The following APOBR variants were observed in gnomAD, a reference collection of about 807,000 sequenced individuals.
APOBR encodes apolipoprotein B receptor.
APOBR carries 57 observed loss-of-function variants against 88.5 expected under a neutral mutation model. The observed-to-expected ratio is 0.64, with a 90% CI of 0.52 to 0.80. The LOEUF is 0.80. Among genes scored for constraint, APOBR ranks in the 30% least tolerant of loss-of-function variants. The pLI is 0.00. For missense variants in APOBR, 1,443 were observed against 1,401.6 expected, an observed-to-expected ratio of 1.03 and a Z score of -0.47; for synonymous variants, 588 against 572.7, an observed-to-expected ratio of 1.03 and a Z score of -0.38.
rs2046411775 is a variant in APOBR, at chr16:28,498,594, T to C, written c.*89T>C. ...CTGAGCCCTGCTCCCTCTGCCACTG[T>C]GGACACATCCTCTCCACCCTCTGGG... On this transcript the variant is annotated 3_prime_UTR_variant, in exon 4 of 4. Transcript: ENST00000564831. 7.1e-7 allele frequency: 1 copy of C among 1,414,264 alleles called. No homozygotes were observed. The highest frequency in any genetic ancestry group is 2.1e-5 in the Admixed American group (1 of 47,042). The allele number at this position is 1,414,264 out of a possible 1,614,324, so 87.6% of individuals were successfully genotyped here. A position where few individuals can be genotyped will look rare whatever the true frequency, so the allele number is the denominator to read the frequency against.
rs2046400833 is a variant in APOBR, at chr16:28,497,279, T to C, written c.2238T>C (p.Ala746=). 1.9e-6 allele frequency: 3 copies of C among 1,591,970 alleles called. No individual in the cohort carries two copies. In the South Asian group the frequency reaches 3.4e-5, roughly 18 times the overall value. ...SRRGWRLQAV[A]VGLPDREDAQ... is the part of the protein sequence containing the mutation. ...GAGGCTGGAGGCTGCAAGCGGTGGC[T>C]GTGGGCCTCCCGGACCGTGAGGATG... Residue 746 remains alanine, a synonymous_variant, in exon 2 of 4, where the codon GCT becomes GCC. Transcript: ENST00000564831.
rs762308039 is a variant in APOBR, at chr16:28,498,487, C to A, written c.3276C>A (p.Gly1092=). ...GMMQELQARL[G]RPKPQ is the part of the protein sequence containing the mutation. ...TGCAGGAGCTGCAAGCCCGTCTGGGCCGGCCTAAGCCCCAGTGACTGAGAC... is the reference window on the plus strand; with the variant it reads ...TGCAGGAGCTGCAAGCCCGTCTGGGACGGCCTAAGCCCCAGTGACTGAGAC... The change falls in exon 4 of 4, where the codon GGC becomes GGA. Residue 1092 remains glycine, a synonymous_variant. Coordinates refer to ENST00000564831, the MANE Select transcript of APOBR (RefSeq NM_018690.4). The A allele has an allele frequency of 1.6e-5, 26 of 1,599,226 alleles. No individual in the cohort carries two copies. The highest frequency in any genetic ancestry group is 2.2e-5 in the Non-Finnish European group (26 of 1,173,464).
chr16:28,495,748 CTG>C lies in APOBR; in HGVS notation c.708_709del (p.Glu237GlyfsTer21). 1.3e-6 allele frequency: 2 copies of C among 1,542,672 alleles called. No individual in the cohort carries two copies. Among genetic ancestry groups the C allele is most frequent in the South Asian group, 1.2e-5 (1 of 82,426 alleles). ...GTCAGGGAGGCAGATGCAGGGGAAA[CTG>C]AGGAGCCTGGGGCCGAAGGGGCTGG... On this transcript the variant is annotated frameshift_variant, in exon 2 of 4. Transcript: ENST00000564831. LOFTEE classifies it high-confidence loss of function.
At position 28,497,626 on chromosome 16, in the gene APOBR, C is replaced by T; in HGVS notation, c.2585C>T (p.Thr862Ile). ...SCGLDPAGSQTARAEGMGAMV... is the reference protein window; with the variant it reads ...SCGLDPAGSQIARAEGMGAMV... The stretch of plus-strand genomic sequence containing the variant: ...GGGCTGGATCCCGCGGGCTCCCAGA[C>T]AGCGAGGGCAGAGGGGATGGGAGCC... Residue 862 changes from threonine (T) to isoleucine (I), a missense_variant, in exon 2 of 4, where the codon ACA (threonine) becomes ATA (isoleucine). By Grantham distance (89) the Thr-to-Ile change is moderately conservative (BLOSUM62 -1). Transcript: ENST00000564831. 6 of 1,604,968 alleles carry T rather than the reference C, an allele frequency of 3.7e-6. No homozygotes were observed. Among genetic ancestry groups the T allele is most frequent in the Non-Finnish European group, 5.1e-6 (6 of 1,175,902 alleles).
At position 28,496,138 on chromosome 16, in the gene APOBR, C is replaced by T. The variant is rs2046391017; in HGVS notation, c.1097C>T (p.Ala366Val). Reference sequence around the variant, plus strand: ...TCAGGAGGGGAGGAGGCCGGGACAGCCTCAGGAGGGGACGAGGCCTGGACA... The same window carrying T: ...TCAGGAGGGGAGGAGGCCGGGACAGTCTCAGGAGGGGACGAGGCCTGGACA... ...TASGGEEAGT[A>V]SGGDEAWTTS... Residue 366 changes from alanine (A) to valine (V), a missense_variant, in exon 2 of 4, where the codon GCC (alanine) becomes GTC (valine). By Grantham distance (64) the Ala-to-Val change is moderately conservative. Coordinates refer to ENST00000564831, the MANE Select transcript of APOBR (RefSeq NM_018690.4). 1.3e-6 allele frequency: 2 copies of T among 1,534,388 alleles called. No individual in the cohort carries two copies. The highest frequency in any genetic ancestry group is 1.7e-6 in the Non-Finnish European group (2 of 1,143,232).
In APOBR at chr16:28,498,604, C is replaced by T; in HGVS notation, c.*99C>T. The T allele has an allele frequency of 3.8e-6, 5 of 1,326,030 alleles. No homozygotes were observed. Among genetic ancestry groups the T allele is most frequent in the Non-Finnish European group, 5.1e-6 (5 of 971,772 alleles). The allele number at this position is 1,326,030 out of a possible 1,614,324, so 82.1% of individuals were successfully genotyped here. On this transcript the variant is annotated 3_prime_UTR_variant, in exon 4 of 4. Transcript: ENST00000564831. ...CTCCCTCTGCCACTGTGGACACATC[C>T]TCTCCACCCTCTGGGCCTCAGTGTC...
rs749672309 is a variant in APOBR, at chr16:28,496,214, T to C, written c.1173T>C (p.Tyr391=). 2.5e-6 allele frequency: 4 copies of C among 1,591,866 alleles called. No homozygotes were observed. Among genetic ancestry groups the C allele is most frequent in the Non-Finnish European group, 3.4e-6 (4 of 1,170,704 alleles). The part of the protein sequence containing the change: ...ADLLGVRQTE[Y]GAVPGERLLE... ...TGCTGGGAGTCAGACAGACAGAATA[T>C]GGAGCAGTCCCAGGAGAAAGGCTCC... Residue 391 remains tyrosine (Y), a synonymous_variant, in exon 2 of 4, where the codon TAT becomes TAC. Coordinates refer to ENST00000564831, the MANE Select transcript of APOBR (RefSeq NM_018690.4).
Position 28,497,630 on chromosome 16 carries a change from G to A in APOBR, c.2589G>A (p.Ala863=), listed in dbSNP as rs770842840. ...CGLDPAGSQT[A]RAEGMGAMVE... ...TGGATCCCGCGGGCTCCCAGACAGC[G>A]AGGGCAGAGGGGATGGGAGCCATGG... Residue 863 remains alanine, a synonymous_variant, in exon 2 of 4, where the codon GCG becomes GCA. Transcript: ENST00000564831. The A allele has an allele frequency of 1.6e-4, 256 of 1,605,188 alleles. No individual in the cohort carries two copies. The highest frequency in any genetic ancestry group is 2.0e-4 in the Non-Finnish European group (230 of 1,176,026).
At position 28,496,919 on chromosome 16, in the gene APOBR, C is replaced by T; in HGVS notation, c.1878C>T (p.Asn626=). The change falls in exon 2 of 4, where the codon AAC becomes AAT. Residue 626 remains asparagine, a synonymous_variant. Transcript: ENST00000564831. ...AGGCCTTCCCAGGAGCCTGGGAAAA[C>T]CGCACGAGAAAGGACATGGAGAGAG... ...ASEAFPGAWE[N]RTRKDMERGN... is the part of the protein sequence containing the mutation. 1 of 1,559,480 alleles carries T rather than the reference C, an allele frequency of 6.4e-7. No individual in the cohort carries two copies. Among genetic ancestry groups the T allele is most frequent in the Non-Finnish European group, 8.7e-7 (1 of 1,152,454 alleles).
intron 2 of APOBR, 37 bp from the exon 3 acceptor site, chr16:28,498,044 G>A: frequency 1.9e-6 from 3 of 1,546,902 alleles, no homozygotes; most frequent in Non-Finnish European, 2.6e-6. Flanking sequence ...GAATCCCGAA[G>A]CCGGCCCCAT....
Position 28,498,660 on chromosome 16 carries a change from C to G in APOBR, c.*155C>G. 1 of 881,626 alleles carries G rather than the reference C, an allele frequency of 1.1e-6. No individual in the cohort carries two copies. The highest frequency in any genetic ancestry group is 1.7e-6 in the Non-Finnish European group (1 of 589,438). 54.6% of individuals were successfully genotyped at this position (881,626 alleles called of 1,614,324 possible). ...GTATCATTCATGGAGCAGGCAAAAC[C>G]AGACGTCTGGGAAGACCGTGAACTT... On this transcript the variant is annotated 3_prime_UTR_variant, in exon 4 of 4. Coordinates refer to ENST00000564831, the MANE Select transcript of APOBR (RefSeq NM_018690.4).
At position 28,495,227 on chromosome 16, in the gene APOBR, A is replaced by T; in HGVS notation, c.186A>T (p.Glu62Asp). The T allele has an allele frequency of 1.3e-6, 2 of 1,549,720 alleles. No homozygotes were observed. The highest frequency in any genetic ancestry group is 8.7e-7 in the Non-Finnish European group (1 of 1,151,780). Reference protein sequence around the residue: ...VGKTGKIVEEEAQEDLEGLRG... With the variant: ...VGKTGKIVEEDAQEDLEGLRG... ...AGACAGGGAAGATTGTAGAGGAGGA[A>T]GCCCAGGAGGACCTGGAGGGCCTTA... The change falls in exon 2 of 4, where the codon GAA (glutamate) becomes GAT (aspartate). Residue 62 changes from glutamate to aspartate, a missense_variant. Physicochemically the swap from Glu to Asp is conservative, Grantham distance 45. Transcript: ENST00000564831.
At position 28,497,499 on chromosome 16, in the gene APOBR, A is replaced by T. The variant is rs1488584718; in HGVS notation, c.2458A>T (p.Thr820Ser). 8 of 1,613,212 alleles carry T rather than the reference A, an allele frequency of 5.0e-6. No homozygotes were observed. In the Admixed American group the frequency reaches 6.7e-5, roughly 13 times the overall value. ...GLEGSAEEEV[T>S]GRGSQVEAFE... is the part of the protein sequence containing the mutation. ...GGAGGGCTCAGCAGAGGAAGAGGTG[A>T]CTGGCAGAGGCAGCCAAGTAGAGGC... Residue 820 changes from threonine to serine, a missense_variant, in exon 2 of 4, where the codon ACT becomes TCT. By Grantham distance (58) the Thr-to-Ser change is moderately conservative. Transcript: ENST00000564831.
In APOBR at chr16:28,495,666, A is replaced by G; in HGVS notation, c.625A>G (p.Lys209Glu). 6.5e-7 allele frequency: 1 copy of G among 1,543,538 alleles called. No homozygotes were observed. Among genetic ancestry groups the G allele is most frequent in the Non-Finnish European group, 8.8e-7 (1 of 1,142,280 alleles). The change falls in exon 2 of 4, where the codon AAG becomes GAG. Residue 209 changes from lysine to glutamate, a missense_variant. Transcript: ENST00000564831. ...GACCTGGCATGGGGAGACGGAGGGG[A>G]AGGCTGGTGCTGTTGGGCCAAAGGC... ...EWTWHGETEG[K>E]AGAVGPKAAG...
Position 28,498,535 on chromosome 16 carries a change from C to G in APOBR, c.*30C>G. On this transcript the variant is annotated 3_prime_UTR_variant, in exon 4 of 4. Coordinates refer to ENST00000564831, the MANE Select transcript of APOBR (RefSeq NM_018690.4). ...GACCCGGTGCTCTGGGAGCCAGGCCCTGAGTGGGTGCCAGAAGGCTTGCTC... is the reference window on the plus strand; with the variant it reads ...GACCCGGTGCTCTGGGAGCCAGGCCGTGAGTGGGTGCCAGAAGGCTTGCTC... 6.4e-7 allele frequency: 1 copy of G among 1,564,502 alleles called. No individual in the cohort carries two copies. Among genetic ancestry groups the G allele is most frequent in the Non-Finnish European group, 8.7e-7 (1 of 1,155,802 alleles).
At position 28,497,997 on chromosome 16, in the gene APOBR, G is replaced by A. The variant is rs1327680645; in HGVS notation, c.2955+1G>A. The A allele has an allele frequency of 6.3e-7, 1 of 1,588,850 alleles. No homozygotes were observed. The highest frequency in any genetic ancestry group is 8.6e-7 in the Non-Finnish European group (1 of 1,167,570). On this transcript the variant is annotated splice_donor_variant, in intron 2 of 3. Coordinates refer to ENST00000564831, the MANE Select transcript of APOBR (RefSeq NM_018690.4). LOFTEE classifies it high-confidence loss of function. ...AGGTGCTGCCAACAGCTGGAGCGAG[G>A]TGAGGGCTCTTGGTGGGGTCTCGGG... is the stretch of plus-strand genomic sequence containing the variant.
rs565646942 is a variant in APOBR at position 28,496,981 on chromosome 16, G to A, written c.1940G>A (p.Arg647Gln). The change falls in exon 2 of 4, where the codon CGG becomes CAG. Residue 647 changes from arginine (R) to glutamine (Q), a missense_variant. Transcript: ENST00000564831. ...GAGGATGCGGCCGATGGCGAGCAGCGGGAGGAGGAGGAGACTGCGGGAGGC... is the reference window on the plus strand; with the variant it reads ...GAGGATGCGGCCGATGGCGAGCAGCAGGAGGAGGAGGAGACTGCGGGAGGC... ...TQEDAADGEQ[R>Q]EEEETAGGQT... The A allele has an allele frequency of 3.3e-5, 51 of 1,561,862 alleles. No individual in the cohort carries two copies. The highest frequency in any genetic ancestry group is 5.8e-5 in the Admixed American group (3 of 51,372).
rs2046401568 is a variant in APOBR, at chr16:28,497,363, C to CA, written c.2322_2323insA (p.Ala775SerfsTer6). The CA allele has an allele frequency of 6.2e-7, 1 of 1,610,232 alleles. No homozygotes were observed. On this transcript the variant is annotated frameshift_variant, in exon 2 of 4. Transcript: ENST00000564831. LOFTEE classifies it high-confidence loss of function. ...GGGGTGATGTGGTCCCACACATCAG[C>CA]GCTGCTGGCGCTGGTGAAGCTTTGG...
chr16:28,494,813 GC>G, intron 1 of APOBR, 75 bp downstream of exon 1: 1 of 1,403,802 alleles, frequency 7.1e-7, no homozygotes, highest in East Asian at 2.3e-5. Flanking sequence ...CTCCCCTGGG[GC>G]CTCACCTTTC....
Sources: gnomAD v4.1 joint callset for allele counts on GRCh38, gnomAD v4.1.1 for gene constraint, MANE v1.5 for transcripts, NCBI Gene and HGNC (gene_info 2026-07-23, HGNC 2026-07-21) for gene names.